Variants in GARIN2 observed in about 807,000 individuals in gnomAD.
The protein encoded by GARIN2 is Golgi-associated RAB2 interactor protein 2.
At chr14:67,216,328 G>A in the GARIN2 span, among the ~76,000 whole-genome samples, 1 of 151,878 alleles carries the variant, frequency 6.6e-6, no homozygotes, top group African/African-American at 2.4e-5. Flanking sequence ...TGGTATCAGG[G>A]CAATGCTGGC....
chr14:67,226,955 T>C, the GARIN2 span, among the ~76,000 whole-genome samples: 1 of 152,210 alleles, frequency 6.6e-6, no homozygotes, highest in Non-Finnish European at 1.5e-5. Context: ...CTCTGCCATC[T>C]TTCAATATAA....
At chr14:67,211,211 A>G in the GARIN2 span, among the ~76,000 whole-genome samples, 1 of 152,308 alleles carries the variant, frequency 6.6e-6, no homozygotes, top group Admixed American at 6.5e-5. Flanking sequence ...TACCAGGCTC[A>G]TGGTAACTGT....
At chr14:67,208,009 A>G in the GARIN2 span, among the ~76,000 whole-genome samples, 1 of 152,176 alleles carries the variant, frequency 6.6e-6, no homozygotes, top group African/African-American at 2.4e-5. Context: ...TGGCTCCCAC[A>G]CAGCCTGCCG....
chr14:67,225,025 T>A, the GARIN2 span: 1 of 1,176,658 alleles, frequency 8.5e-7, no homozygotes, highest in Non-Finnish European at 1.2e-6. Context: ...CTGTGCCTTT[T>A]TTTTCCTCCT....
chr14:67,224,626 T>A, the GARIN2 span: 5 of 222,626 alleles, frequency 2.2e-5, no homozygotes, highest in African/African-American at 4.8e-5. Flanking sequence ...AACTTTTAAA[T>A]TTTTTTTTTT....
the GARIN2 span, among the ~76,000 whole-genome samples, chr14:67,206,606 A>G: frequency 2.0e-5 from 3 of 152,250 alleles, no homozygotes; most frequent in African/African-American, 7.2e-5. Flanking sequence ...ATGTTAAGTG[A>G]AAAAGGTAGG....
the GARIN2 span, among the ~76,000 whole-genome samples, chr14:67,208,925 AG>A: frequency 2.6e-5 from 4 of 151,890 alleles, no homozygotes; most frequent in African/African-American, 9.7e-5. Flanking sequence ...GAAAAAAAAA[AG>A]AAGCACGGAA....
At chr14:67,199,230 G>C in the GARIN2 span, 1 of 1,605,478 alleles carries the variant, frequency 6.2e-7, no homozygotes, top group Non-Finnish European at 8.5e-7. Flanking sequence ...CCAAGGCTAT[G>C]ACTTTGTGAA....
the GARIN2 span, among the ~76,000 whole-genome samples, chr14:67,227,308 C>T: frequency 1.3e-5 from 2 of 151,662 alleles, no homozygotes; most frequent in Non-Finnish European, 2.9e-5. Flanking sequence ...GGCATGGTGG[C>T]GCATGACTGT....
At chr14:67,227,812 A>G in the GARIN2 span, 1 of 152,348 alleles carries the variant, frequency 6.6e-6, no homozygotes, top group East Asian at 1.9e-4. Flanking sequence ...CTTAATCTTA[A>G]CATCCTGAAT....
At chr14:67,219,651 A>G in the GARIN2 span, among the ~76,000 whole-genome samples, 1 of 152,210 alleles carries the variant, frequency 6.6e-6, no homozygotes, top group African/African-American at 2.4e-5. Flanking sequence ...TATTATGATC[A>G]TTATTAGAAA....
chr14:67,201,523 G>T, the GARIN2 span: 2 of 455,828 alleles, frequency 4.4e-6, no homozygotes, highest in Non-Finnish European at 8.8e-6. Context: ...CTGTCTCCTG[G>T]TGGCTCTGAG....
At chr14:67,219,098 G>T in the GARIN2 span, among the ~76,000 whole-genome samples, 2 of 152,078 alleles carry the variant, frequency 1.3e-5, no homozygotes. Flanking sequence ...CTCACAGGTG[G>T]TGATTGGGGA....
At chr14:67,201,615 G>T in the GARIN2 span, 5 of 446,836 alleles carry the variant, frequency 1.1e-5, no homozygotes, top group Non-Finnish European at 2.2e-5. Flanking sequence ...CTGGCAAGGG[G>T]TGTGGAGTGG....
At chr14:67,219,065 T>C in the GARIN2 span, among the ~76,000 whole-genome samples, 1 of 151,712 alleles carries the variant, frequency 6.6e-6, no homozygotes, top group African/African-American at 2.4e-5. Flanking sequence ...CAGAGGTGGC[T>C]CTGGTCTCAA....
At chr14:67,213,996 A>G in the GARIN2 span, among the ~76,000 whole-genome samples, 1 of 152,096 alleles carries the variant, frequency 6.6e-6, no homozygotes, top group African/African-American at 2.4e-5. Flanking sequence ...TCCTTCGCCC[A>G]CTTTTTGATG....
At chr14:67,223,670 T>C in the GARIN2 span, 2 of 919,610 alleles carry the variant, frequency 2.2e-6, no homozygotes, top group Non-Finnish European at 2.6e-6. Flanking sequence ...GTATTAATTA[T>C]TTTCCCTGTT....
chr14:67,196,281 G>A, the GARIN2 span, among the ~76,000 whole-genome samples: 1 of 150,668 alleles, frequency 6.6e-6, no homozygotes, highest in Non-Finnish European at 1.5e-5. Flanking sequence ...CATTGGCACA[G>A]TCTTGGCTCA....
chr14:67,227,130 T>A, the GARIN2 span, among the ~76,000 whole-genome samples: 1 of 152,156 alleles, frequency 6.6e-6, no homozygotes, highest in African/African-American at 2.4e-5. Flanking sequence ...TACTTAAATT[T>A]TGACTTATTA....
Sources: gnomAD v4.1 joint callset for allele counts (sites outside exome capture counted in the v4.1 genomes callset) on GRCh38, gnomAD v4.1.1 for gene constraint, MANE v1.5 for transcripts, NCBI Gene and HGNC (gene_info 2026-07-23, HGNC 2026-07-21) for gene names.